TPP2: variants seen among roughly 807,000 people sequenced by gnomAD.
The protein encoded by TPP2 is tripeptidyl peptidase 2.
In TPP2, 34 loss-of-function variants were observed where a neutral mutation model predicts 155.9. The ratio of observed to expected loss-of-function variants is 0.22; its 90% CI spans 0.17 to 0.29. The LOEUF is 0.29. TPP2 is among the 10% of genes least tolerant of loss of function. TPP2 has a pLI of 1.00. For synonymous variants in TPP2, 510 were observed against 529.4 expected (o/e 0.96, Z 0.50); for missense variants, 1,028 against 1,522.3 (o/e 0.68, Z 5.40).
rs1883327602 is a variant in TPP2, at chr13:102,649,057, A to G, written c.2779A>G (p.Ser927Gly). 6.2e-7 allele frequency: 1 copy of G among 1,613,644 alleles called. No individual in the cohort carries two copies. Among genetic ancestry groups the G allele is most frequent in the African/African-American group, 1.3e-5 (1 of 74,926 alleles). ...GAGCTTAGATATTCATGAAAATCAT[A>G]GTTTTGCACTTCTAGGGAAGAAGAA... ...TLSLDIHENH[S>G]FALLGKKKSS... Residue 927 changes from serine to glycine, a missense_variant, in exon 22 of 30, where the codon AGT becomes GGT. By Grantham distance (56) the Ser-to-Gly change is moderately conservative. Coordinates refer to ENST00000376052, the MANE Select transcript of TPP2 (RefSeq NM_001330588.2).
intron 15 of TPP2, 71 bp from the exon 16 acceptor site, chr13:102,640,199 T>A (rs1021542613): frequency 8.7e-7 from 1 of 1,154,402 alleles, no homozygotes; most frequent in Admixed American, 2.5e-5. Context: ...TTTGCGTTTA[T>A]CCAATGAAAT....
At chr13:102,637,012 G>T in intron 13 of TPP2, 70 bp from the exon 14 acceptor site, 9 of 1,496,204 alleles carry the variant, frequency 6.0e-6, no homozygotes, top group East Asian at 4.7e-5. Flanking sequence ...TTTTTGGAAA[G>T]ATGTAACATT....
chr13:102,613,511 G>T (rs1001895228), intron 2 of TPP2, among the ~76,000 whole-genome samples: 1 of 152,182 alleles, frequency 6.6e-6, no homozygotes. Context: ...CAAGAATAAG[G>T]TAGAGATTTT....
At chr13:102,651,615 A>T (rs771235326) in intron 24 of TPP2, among the ~76,000 whole-genome samples, 2 of 150,650 alleles carry the variant, frequency 1.3e-5, no homozygotes, top group Non-Finnish European at 2.9e-5. Flanking sequence ...TTCCTGGATG[A>T]CTCATTTTCT....
intron 6 of TPP2, among the ~76,000 whole-genome samples, 164 bp downstream of exon 6, chr13:102,623,204 G>A (rs1881291485): frequency 6.6e-6 from 1 of 152,180 alleles, no homozygotes; most frequent in Admixed American, 6.5e-5. Context: ...GCAAGATGTT[G>A]TTTTTTAAGG....
intron 19 of TPP2, among the ~76,000 whole-genome samples, chr13:102,645,286 G>A (rs1883029842): frequency 6.6e-6 from 1 of 152,164 alleles, no homozygotes; most frequent in Non-Finnish European, 1.5e-5. Context: ...CTGTAAAATA[G>A]CAAGTTAACA....
chr13:102,603,066 G>T (rs372806681), intron 1 of TPP2, among the ~76,000 whole-genome samples: 2 of 152,130 alleles, frequency 1.3e-5, no homozygotes, highest in African/African-American at 4.8e-5. Context: ...CCACAAAAAT[G>T]TGTAAAAATA....
At chr13:102,633,856 T>TC in intron 10 of TPP2, 94 bp from the exon 11 acceptor site, 1 of 1,551,010 alleles carries the variant, frequency 6.4e-7, no homozygotes. Context: ...TACATAGTGT[T>TC]ATACTATTGG....
At position 102,679,260 on chromosome 13, in the gene TPP2, G is replaced by T. The variant is rs9554889; in HGVS notation, c.*944G>T. ...CATAGACAAAAAAAGTTAAACATAAGATAATCTATTTTACAGTGTTTCTTA... is the reference window on the plus strand; with the variant it reads ...CATAGACAAAAAAAGTTAAACATAATATAATCTATTTTACAGTGTTTCTTA... On this transcript the variant is annotated 3_prime_UTR_variant, in exon 30 of 30. Coordinates refer to ENST00000376052, the MANE Select transcript of TPP2 (RefSeq NM_001330588.2). The T allele has an allele frequency of 2.0e-4, 30 of 152,328 alleles. No individual in the cohort carries two copies. In the East Asian group the frequency reaches 5.0e-3, roughly 25 times the overall value. 9.4% of individuals were successfully genotyped at this position (152,328 alleles called of 1,614,324 possible).
At chr13:102,659,726 G>A (rs986325241) in intron 25 of TPP2, among the ~76,000 whole-genome samples, 1 of 152,212 alleles carries the variant, frequency 6.6e-6, no homozygotes, top group Admixed American at 6.5e-5. Context: ...CCTGAAAGCA[G>A]GTGATCTCTG....
chr13:102,665,795 A>T (rs1884556553), intron 27 of TPP2, among the ~76,000 whole-genome samples: 1 of 152,202 alleles, frequency 6.6e-6, no homozygotes, highest in Admixed American at 6.5e-5. Flanking sequence ...AATTTTCCTT[A>T]AAAATTTTCT....
intron 25 of TPP2, among the ~76,000 whole-genome samples, chr13:102,662,258 G>A (rs975189480): frequency 4.6e-5 from 7 of 152,166 alleles, no homozygotes; most frequent in African/African-American, 1.7e-4. Context: ...TGCTGGGGAG[G>A]CTGGGGAGAT....
At chr13:102,602,923 CGTTTTTT>C (rs980646398) in intron 1 of TPP2, among the ~76,000 whole-genome samples, 6 of 149,634 alleles carry the variant, frequency 4.0e-5, no homozygotes, top group African/African-American at 1.2e-4. Flanking sequence ...TTTTGTTTTT[CGTTTTTT>C]GTTTTTTTTT....
chr13:102,674,458 A>G lies in TPP2; in HGVS notation c.3547A>G (p.Thr1183Ala), dbSNP rs764395734. ...LDSLAETFWE[T>A]TKWTDLFDNK... is the part of the protein sequence containing the mutation. ...TTCTCTGGCAGAAACATTTTGGGAA[A>G]CTACTAAATGGACTGATCTCTTTGA... The change falls in exon 28 of 30, where the codon ACT becomes GCT. Residue 1183 changes from threonine (T) to alanine (A), a missense_variant. Thr to Ala is a moderately conservative substitution (Grantham distance 58, BLOSUM62 0). Around this residue, in one of 7 missense-constraint regions of TPP2, gnomAD observed 116 missense variants for 117.3 expected, o/e 0.99. Transcript: ENST00000376052. 2 of 1,613,810 alleles carry G rather than the reference A, an allele frequency of 1.2e-6. No individual in the cohort carries two copies. The highest frequency in any genetic ancestry group is 1.7e-6 in the Non-Finnish European group (2 of 1,179,770).
chr13:102,654,853 TC>T (rs1883749135), intron 24 of TPP2: 1 of 428,356 alleles, frequency 2.3e-6, no homozygotes, highest in African/African-American at 2.0e-5. Context: ...TGGTAGAAGA[TC>T]AGCTCAGATT....
At chr13:102,614,000 G>T in intron 2 of TPP2, 101 bp from the exon 3 acceptor site, 1 of 954,480 alleles carries the variant, frequency 1.0e-6, no homozygotes, top group South Asian at 1.7e-5. Context: ...TCCAATTTAA[G>T]CTTATTAGAG....
chr13:102,611,975 C>T (rs910585973), intron 2 of TPP2, among the ~76,000 whole-genome samples: 40 of 152,134 alleles, frequency 2.6e-4, no homozygotes, highest in African/African-American at 8.7e-4. Context: ...TTTGTCCCTT[C>T]GTTTTTGGAT....
chr13:102,644,449 A>G (rs1271319461), intron 17 of TPP2, 108 bp from the exon 18 acceptor site: 2 of 952,200 alleles, frequency 2.1e-6, no homozygotes, highest in African/African-American at 2.0e-5. Flanking sequence ...TTCTTGCTAC[A>G]AACAGGAAAA....
intron 10 of TPP2, among the ~76,000 whole-genome samples, chr13:102,630,809 C>T (rs1449211939): frequency 6.6e-6 from 1 of 152,150 alleles, no homozygotes; most frequent in Non-Finnish European, 1.5e-5. Context: ...GGTACATGCA[C>T]CTTCTGAAAA....
Sources: allele counts gnomAD v4.1 joint callset (sites outside exome capture counted in the v4.1 genomes callset), GRCh38; gene constraint gnomAD v4.1.1; regional missense constraint gnomAD v4.1.1; transcripts MANE v1.5; gene names NCBI Gene and HGNC (gene_info 2026-07-23, HGNC 2026-07-21).